The following PRDM11 variants were observed in gnomAD, a reference collection of about 807,000 sequenced individuals.
The protein encoded by PRDM11 is PR domain-containing protein 11.
Under a neutral mutation model 97.8 loss-of-function variants are expected in PRDM11, and 20 were observed. The observed-to-expected ratio is 0.20, with a 90% CI of 0.14 to 0.30. PRDM11 has a LOEUF of 0.30. PRDM11 is among the 10% of genes least tolerant of loss of function. The pLI, the probability that PRDM11 is intolerant of heterozygous loss-of-function variation, is 1.00. For synonymous variants in PRDM11, 599 were observed against 637.7 expected (o/e 0.94, Z 0.91); for missense variants, 1,139 against 1,555.2 (o/e 0.73, Z 4.50).
At position 45,231,571 on chromosome 11, in the gene PRDM11, C is replaced by A. The variant is rs1164161394; in HGVS notation, c.*3412C>A. 3 of 151,786 alleles carry A rather than the reference C, an allele frequency of 2.0e-5. No homozygotes were observed. The highest frequency in any genetic ancestry group is 7.3e-5 in the African/African-American group (3 of 41,272). The allele number at this position is 151,786 out of a possible 1,614,324, so 9.4% of individuals were successfully genotyped here. A position where few individuals can be genotyped will look rare whatever the true frequency, so the allele number is the denominator to read the frequency against. ...CTGGCTGATTAGTGACTTTCTTTGG[C>A]TCGTAGGGTTGGTGGGAAGTGAGAT... On this transcript the variant is annotated 3_prime_UTR_variant, in exon 8 of 8. Transcript: ENST00000683152.
At chr11:45,182,427 A>C in intron 3 of PRDM11, 78 bp downstream of exon 3, 3 of 1,315,804 alleles carry the variant, frequency 2.3e-6, no homozygotes, top group Non-Finnish European at 3.2e-6. Context: ...ATTCACAACA[A>C]TGCTACTAAG....
In PRDM11 at chr11:45,227,589, G is replaced by A. The variant is rs757728348; in HGVS notation, c.2964G>A (p.Val988=). The A allele has an allele frequency of 3.2e-5, 49 of 1,533,838 alleles. No individual in the cohort carries two copies. The highest frequency in any genetic ancestry group is 4.0e-5 in the Non-Finnish European group (46 of 1,146,752). ...GGATCTTTGTGAAGGCCTGCCAGGT[G>A]TTTGACCTGGCTGCCTGGCCCAGGA... ...RSRIFVKACQ[V]FDLAAWPRSS... The change falls in exon 8 of 8, where the codon GTG becomes GTA. Residue 988 remains valine (V), a synonymous_variant. Coordinates refer to ENST00000683152, the MANE Select transcript of PRDM11 (RefSeq NM_001384648.1). The surrounding 1 kb of genome is among the most constrained non-coding windows in gnomAD (Gnocchi z 8.0).
At chr11:45,153,418 G>T (rs1851709073) in intron 1 of PRDM11, among the ~76,000 whole-genome samples, 1 of 152,262 alleles carries the variant, frequency 6.6e-6, no homozygotes, top group Non-Finnish European at 1.5e-5. Context: ...CAGAACGGGG[G>T]CAATGCCACT....
At chr11:45,114,764 C>T (rs1852264895) in intron 1 of PRDM11, among the ~76,000 whole-genome samples, 1 of 151,856 alleles carries the variant, frequency 6.6e-6, no homozygotes, top group Non-Finnish European at 1.5e-5. Flanking sequence ...AATGAGTTAT[C>T]ATCAGAGACA....
upstream of PRDM11, among the ~76,000 whole-genome samples, chr11:45,143,644 C>A (rs774622325): frequency 2.6e-5 from 4 of 152,206 alleles, no homozygotes; most frequent in Admixed American, 6.5e-5. Flanking sequence ...TGGAGTCAGG[C>A]AGACCTATGT....
intron 1 of PRDM11, among the ~76,000 whole-genome samples, chr11:45,102,957 G>T (rs1039719330): frequency 2.6e-5 from 4 of 152,224 alleles, no homozygotes; most frequent in Non-Finnish European, 4.4e-5. Flanking sequence ...AGAGAGACAG[G>T]CAGGACTGTT....
chr11:45,109,684 A>G (rs532736011), intron 1 of PRDM11, among the ~76,000 whole-genome samples: 1 of 152,166 alleles, frequency 6.6e-6, no homozygotes, highest in African/African-American at 2.4e-5. Context: ...TCTGAGTCAG[A>G]TCTTTCCAGG....
chr11:45,211,945 G>A (rs148411575), intron 5 of PRDM11, among the ~76,000 whole-genome samples: 107 of 152,318 alleles, frequency 7.0e-4, no homozygotes, highest in African/African-American at 2.4e-3. Context: ...CAATGCAGAC[G>A]TGGCCTCAGA....
At chr11:45,182,700 T>C (rs555261525) in intron 3 of PRDM11, among the ~76,000 whole-genome samples, 161 bp from the exon 4 acceptor site, 1 of 152,338 alleles carries the variant, frequency 6.6e-6, no homozygotes, top group Admixed American at 6.5e-5. Flanking sequence ...AGGCCTGTTC[T>C]TGGAGCCCCC....
chr11:45,128,822 C>T (rs1056997778), intron 1 of PRDM11, among the ~76,000 whole-genome samples: 2 of 151,932 alleles, frequency 1.3e-5, no homozygotes, highest in African/African-American at 4.8e-5. Flanking sequence ...CAATATAAAC[C>T]TGATTTTAAA....
chr11:45,187,799 CGTGTGTGTGTGT>C (rs61613469), intron 4 of PRDM11, among the ~76,000 whole-genome samples: 12 of 147,088 alleles, frequency 8.2e-5, no homozygotes, highest in African/African-American at 1.8e-4. Context: ...AAGAAAAGTT[CGTGTGTGTGTGT>C]GTGTGTGTGT....
intron 5 of PRDM11, among the ~76,000 whole-genome samples, chr11:45,211,313 G>C (rs1306249736): frequency 6.6e-6 from 1 of 152,182 alleles, no homozygotes; most frequent in African/African-American, 2.4e-5. Context: ...AGATAAACCT[G>C]TCTGTCCTCC....
At chr11:45,147,121 G>T (rs1006411678) in intron 1 of PRDM11, among the ~76,000 whole-genome samples, 1 of 151,040 alleles carries the variant, frequency 6.6e-6, no homozygotes, top group Non-Finnish European at 1.5e-5. Context: ...GCCGCCGCGG[G>T]AGCCGGGGGC....
At chr11:45,109,041 C>T (rs1272189141) in intron 1 of PRDM11, among the ~76,000 whole-genome samples, 1 of 152,254 alleles carries the variant, frequency 6.6e-6, no homozygotes, top group Non-Finnish European at 1.5e-5. Context: ...GCCTGTGAGA[C>T]TGTCAACACC....
chr11:45,156,483 C>T (rs887314154), intron 1 of PRDM11, among the ~76,000 whole-genome samples: 2 of 152,236 alleles, frequency 1.3e-5, no homozygotes, highest in East Asian at 1.9e-4. Flanking sequence ...GTCCGCAGAC[C>T]TCTGCCCATC....
At chr11:45,134,413 A>C (rs532988145) in intron 1 of PRDM11, among the ~76,000 whole-genome samples, 1 of 152,290 alleles carries the variant, frequency 6.6e-6, no homozygotes, top group South Asian at 2.1e-4. Flanking sequence ...AAAACTTAGA[A>C]TAGCAGACAG....
intron 1 of PRDM11, among the ~76,000 whole-genome samples, chr11:45,141,131 T>C (rs565980680): frequency 6.6e-6 from 1 of 152,196 alleles, no homozygotes; most frequent in African/African-American, 2.4e-5. Flanking sequence ...CTTTGCCTAT[T>C]CTCCTGGCTA....
rs565037306 is a variant in PRDM11, at chr11:45,097,181, A to G, written c.96+1280A>G. 7.2e-5 allele frequency among the ~76,000 whole-genome samples: 11 copies of G among 152,308 alleles called. No individual in the cohort carries two copies. The South Asian group carries it at 1.7e-3, about 23-fold the overall frequency. On this transcript the variant is annotated intron_variant, in intron 1 of 6. Coordinates refer to the PRDM11 transcript ENST00000530656. ...CTTCAGCATCCTGGTGACTTAATGC[A>G]TCAATAGCTCACAAGTTTGAAGATT... is the stretch of plus-strand genomic sequence containing the variant.
intron 1 of PRDM11, among the ~76,000 whole-genome samples, chr11:45,163,328 C>CT (rs1003548959): frequency 2.0e-5 from 3 of 152,216 alleles, no homozygotes; most frequent in Non-Finnish European, 4.4e-5. Context: ...GATTTCATTT[C>CT]TTTTCAATAA....
Sources: allele counts gnomAD v4.1 joint callset (sites outside exome capture counted in the v4.1 genomes callset), GRCh38; gene constraint gnomAD v4.1.1; non-coding constraint Gnocchi (gnomAD v3.1); transcripts MANE v1.5; gene names NCBI Gene and HGNC (gene_info 2026-07-23, HGNC 2026-07-21).